The following ITPKC variants were observed in gnomAD, a reference collection of about 807,000 sequenced individuals.
ITPKC encodes inositol-trisphosphate 3-kinase C.
Under a neutral mutation model 67.1 loss-of-function variants are expected in ITPKC, and 33 were observed. That is an observed-to-expected ratio of 0.49 (90% confidence interval 0.37 to 0.66). The LOEUF is 0.66. Among genes scored for constraint, ITPKC ranks in the 30% least tolerant of loss-of-function variants. The pLI, the probability that ITPKC is intolerant of heterozygous loss-of-function variation, is 0.00. For synonymous variants in ITPKC, 341 were observed against 359.8 expected, an observed-to-expected ratio of 0.95 and a Z score of 0.59; for missense variants, 820 against 892.1, an observed-to-expected ratio of 0.92 and a Z score of 1.03.
Position 40,717,615 on chromosome 19 carries a change from G to C in ITPKC, c.480G>C (p.Glu160Asp). The C allele has an allele frequency of 6.2e-7, 1 of 1,614,164 alleles. No homozygotes were observed. The highest frequency in any genetic ancestry group is 8.5e-7 in the Non-Finnish European group (1 of 1,180,018). Reference protein sequence around the residue: ...HRSDLQFQPEEASPWTQPGVH... With the variant: ...HRSDLQFQPEDASPWTQPGVH... ...CCGACCTCCAGTTTCAGCCCGAGGA[G>C]GCCAGCCCCTGGACACAGCCAGGGG... Residue 160 changes from glutamate (E) to aspartate (D), a missense_variant, in exon 1 of 7, where the codon GAG becomes GAC. Glu to Asp is a conservative substitution (Grantham distance 45, BLOSUM62 2). Coordinates refer to ENST00000263370, the MANE Select transcript of ITPKC (RefSeq NM_025194.3).
rs1008965896 is a variant in ITPKC, at chr19:40,740,325, A to T, written c.*765A>T. On this transcript the variant is annotated 3_prime_UTR_variant, in exon 7 of 7. Coordinates refer to ENST00000263370, the MANE Select transcript of ITPKC (RefSeq NM_025194.3). ...TCCTCTGTGCACCAGATCCGGCCTC[A>T]GGACTTACACCTCCTGCCTGACCCC... The T allele has an allele frequency of 1.9e-5, 3 of 154,186 alleles. No homozygotes were observed. Among genetic ancestry groups the T allele is most frequent in the Non-Finnish European group, 4.3e-5 (3 of 69,056 alleles). 9.6% of individuals were successfully genotyped at this position (154,186 alleles called of 1,614,324 possible).
chr19:40,719,102 G>T (rs1483202833), intron 1 of ITPKC, among the ~76,000 whole-genome samples: 2 of 152,158 alleles, frequency 1.3e-5, no homozygotes, highest in African/African-American at 4.8e-5. Context: ...GCCGAGTCCG[G>T]AGTCCATCAG....
chr19:40,731,175 G>C (rs1388306035), intron 3 of ITPKC, among the ~76,000 whole-genome samples: 8 of 152,174 alleles, frequency 5.3e-5, no homozygotes, highest in Non-Finnish European at 1.2e-4. Flanking sequence ...ACCAGTACCG[G>C]TCCATGGCCT....
At chr19:40,720,756 G>C (rs2082218236) in intron 1 of ITPKC, among the ~76,000 whole-genome samples, 1 of 151,820 alleles carries the variant, frequency 6.6e-6, no homozygotes. Flanking sequence ...ACTGTTCCTT[G>C]AACACTCTTC....
intron 3 of ITPKC, among the ~76,000 whole-genome samples, chr19:40,730,703 T>A (rs2082266938): frequency 6.6e-6 from 1 of 152,206 alleles, no homozygotes; most frequent in African/African-American, 2.4e-5. Context: ...TAGCTGGGAC[T>A]GTAGGTGCAT....
rs2082318935 is a variant in ITPKC at position 40,740,301 on chromosome 19, C to T, written c.*741C>T. On this transcript the variant is annotated 3_prime_UTR_variant, in exon 7 of 7. Coordinates refer to ENST00000263370, the MANE Select transcript of ITPKC (RefSeq NM_025194.3). Reference sequence around the variant, plus strand: ...GCCAGCACTGTGACAGTACCTCGCTCCTCTGTGCACCAGATCCGGCCTCAG... The same window carrying T: ...GCCAGCACTGTGACAGTACCTCGCTTCTCTGTGCACCAGATCCGGCCTCAG... The T allele has an allele frequency of 6.5e-6, 1 of 153,542 alleles. No homozygotes were observed. Among genetic ancestry groups the T allele is most frequent in the African/African-American group, 2.4e-5 (1 of 41,478 alleles). 9.5% of individuals were successfully genotyped at this position (153,542 alleles called of 1,614,324 possible).
chr19:40,738,617 C>T (rs1239662947), intron 6 of ITPKC, among the ~76,000 whole-genome samples: 1 of 152,162 alleles, frequency 6.6e-6, no homozygotes, highest in Non-Finnish European at 1.5e-5. Flanking sequence ...GAGGCTGAGG[C>T]AGGAAGAGGG....
At chr19:40,736,221 C>T (rs1176606780) in intron 4 of ITPKC, among the ~76,000 whole-genome samples, 3 of 151,814 alleles carry the variant, frequency 2.0e-5, no homozygotes, top group South Asian at 2.1e-4. Context: ...ACCCAGGGGG[C>T]GGAGCTTGCA....
intron 4 of ITPKC, among the ~76,000 whole-genome samples, chr19:40,736,513 G>GT (rs3842411): frequency 0.053 from 7,986 of 151,326 alleles, 233 homozygotes; most frequent in East Asian, 0.18. Context: ...CTGGGAAGTT[G>GT]TTTTTTTTGA....
chr19:40,718,428 T>A, intron 1 of ITPKC, 138 bp downstream of exon 1: 1 of 1,118,194 alleles, frequency 8.9e-7, no homozygotes, highest in Non-Finnish European at 1.2e-6. Context: ...TTCCATCCAC[T>A]GACCTCCTCC....
At chr19:40,729,568 C>G (rs111325090) in intron 3 of ITPKC, among the ~76,000 whole-genome samples, 153 bp downstream of exon 3, 2 of 152,162 alleles carry the variant, frequency 1.3e-5, no homozygotes, top group African/African-American at 4.8e-5. Flanking sequence ...GAGTTCCAAA[C>G]CAGCCTGACC....
chr19:40,731,608 T>G (rs916561087), intron 3 of ITPKC, among the ~76,000 whole-genome samples: 2 of 139,356 alleles, frequency 1.4e-5, no homozygotes, highest in African/African-American at 5.2e-5. Context: ...TTTTTTTTTT[T>G]TTTTTTTTTT....
rs2082325685 is a variant in ITPKC at position 40,740,723 on chromosome 19, T to C, written c.*1163T>C. On this transcript the variant is annotated 3_prime_UTR_variant, in exon 7 of 7. Transcript: ENST00000263370. ...CCAGGGCTGAGGAGATGCTCTCCTT[T>C]TCTACTGACCATCTTGATACTTATT... The C allele has an allele frequency of 2.7e-6, 1 of 369,634 alleles. No individual in the cohort carries two copies. The highest frequency in any genetic ancestry group is 4.8e-6 in the Non-Finnish European group (1 of 207,512). 22.9% of individuals were successfully genotyped at this position (369,634 alleles called of 1,614,324 possible). A position where few individuals can be genotyped will look rare whatever the true frequency, so the allele number is the denominator to read the frequency against.
rs371812211 is a variant in ITPKC at position 40,739,509 on chromosome 19, C to T, written c.2001C>T (p.Leu667=). 1.6e-5 allele frequency: 26 copies of T among 1,613,626 alleles called. No homozygotes were observed. The African/African-American group carries it at 2.7e-4, about 17-fold the overall frequency. The change falls in exon 7 of 7, where the codon CTC becomes CTT. Residue 667 remains leucine (L), a synonymous_variant. Coordinates refer to ENST00000263370, the MANE Select transcript of ITPKC (RefSeq NM_025194.3). ...AGGGCAACCGTGAGGACGGCTACCT[C>T]TGGGGCCTGGACAACATGATCTGCC... ...WAEGNREDGY[L]WGLDNMICLL...
intron 2 of ITPKC, among the ~76,000 whole-genome samples, chr19:40,728,676 G>A (rs1482384888): frequency 2.6e-5 from 4 of 152,284 alleles, no homozygotes; most frequent in East Asian, 3.9e-4. Flanking sequence ...ACAGGACTTG[G>A]TTTAAGCAAC....
chr19:40,739,705 G>A lies in ITPKC; in HGVS notation c.*145G>A, dbSNP rs577044726. 4.5e-5 allele frequency: 31 copies of A among 692,684 alleles called. No homozygotes were observed. The East Asian group carries it at 4.6e-4, about 10-fold the overall frequency. 42.9% of individuals were successfully genotyped at this position (692,684 alleles called of 1,614,324 possible). ...GTGTCATGTGCCACACGAGACCAAC[G>A]TGGAAAAGTCTGAAGGGCCTTGGGA... On this transcript the variant is annotated 3_prime_UTR_variant, in exon 7 of 7. Coordinates refer to ENST00000263370, the MANE Select transcript of ITPKC (RefSeq NM_025194.3).
intron 1 of ITPKC, among the ~76,000 whole-genome samples, chr19:40,720,859 G>A (rs985965625): frequency 6.6e-6 from 1 of 151,992 alleles, no homozygotes; most frequent in Non-Finnish European, 1.5e-5. Context: ...CTCTCTGACC[G>A]TAAAGGCTCA....
Position 40,731,330 on chromosome 19 carries a change from A to C in ITPKC, c.1470-1830A>C, listed in dbSNP as rs576031496. 4.6e-5 allele frequency among the ~76,000 whole-genome samples: 7 copies of C among 152,314 alleles called. No individual in the cohort carries two copies. The South Asian group carries it at 1.5e-3, about 32-fold the overall frequency. ...CAAGGGATCTAGATTGTATGCTCCT[A>C]TGAGAATCTAATTGATACTTGATGA... On this transcript the variant is annotated intron_variant, in intron 3 of 6. Transcript: ENST00000263370.
chr19:40,735,366 C>G (rs1484043678), intron 4 of ITPKC, among the ~76,000 whole-genome samples: 1 of 150,698 alleles, frequency 6.6e-6, no homozygotes, highest in African/African-American at 2.4e-5. Flanking sequence ...GAGACAGGGT[C>G]TCACTCTGTC....
Sources: allele counts gnomAD v4.1 joint callset (sites outside exome capture counted in the v4.1 genomes callset), GRCh38; gene constraint gnomAD v4.1.1; transcripts MANE v1.5; gene names NCBI Gene and HGNC (gene_info 2026-07-23, HGNC 2026-07-21).